SPTBN1: variants seen among roughly 807,000 people sequenced by gnomAD.
The protein encoded by SPTBN1 is spectrin beta, non-erythrocytic 1.
A neutral mutation model predicts 266.4 loss-of-function variants in SPTBN1; 32 were observed. The observed-to-expected ratio is 0.12, with a 90% CI of 0.09 to 0.16. The LOEUF is 0.16. Among genes scored for constraint, SPTBN1 ranks in the 10% least tolerant of loss-of-function variants. The probability of loss-of-function intolerance (pLI) is 1.00; values close to 1 mark genes in which losing one functional copy is unlikely to be tolerated. For missense variants in SPTBN1, 2,296 were observed against 3,067.1 expected, an observed-to-expected ratio of 0.75 and a Z score of 5.94; for synonymous variants, 1,336 against 1,162.2, an observed-to-expected ratio of 1.15 and a Z score of -3.04.
rs772541676 is a variant in SPTBN1, at chr2:54,629,248, T to C, written c.2114T>C (p.Ile705Thr). The part of the protein sequence containing the change: ...EQAIKEGEDM[I>T]AEEHFGSEKI... ...GCCATCAAGGAAGGCGAAGACATGA[T>C]CGCGGAGGAGCACTTCGGGTCGGAG... The change falls in exon 14 of 36, where the codon ATC (isoleucine) becomes ACC (threonine). Residue 705 changes from isoleucine to threonine, a missense_variant. This residue lies in a region of SPTBN1 where 434 missense variants were observed against 573.9 expected (regional missense o/e 0.76). Transcript: ENST00000356805. 1.2e-6 allele frequency: 2 copies of C among 1,613,940 alleles called. No homozygotes were observed. Among genetic ancestry groups the C allele is most frequent in the Non-Finnish European group, 1.7e-6 (2 of 1,180,028 alleles).
chr2:54,665,235 C>T (rs1035441909), intron 33 of SPTBN1, among the ~76,000 whole-genome samples: 1 of 152,214 alleles, frequency 6.6e-6, no homozygotes, highest in African/African-American at 2.4e-5. Flanking sequence ...ACCCAACCAC[C>T]TGGGACCACC....
At chr2:54,668,303 C>T (rs372002326) in intron 35 of SPTBN1, 48 bp from the exon 36 acceptor site, 21 of 1,588,534 alleles carry the variant, frequency 1.3e-5, no homozygotes, top group Non-Finnish European at 1.7e-5. Flanking sequence ...CAGAACCCCT[C>T]ATGCCTACTC....
At chr2:54,488,076 A>G (rs1446160656) in intron 1 of SPTBN1, among the ~76,000 whole-genome samples, 1 of 151,736 alleles carries the variant, frequency 6.6e-6, no homozygotes, top group African/African-American at 2.4e-5. Context: ...TGATCCGCCC[A>G]CCTCAGCCTC....
At chr2:54,598,152 A>G (rs2103677072) in intron 2 of SPTBN1, among the ~76,000 whole-genome samples, 2 of 152,274 alleles carry the variant, frequency 1.3e-5, no homozygotes, top group East Asian at 3.9e-4. Flanking sequence ...TTCTGGGCAA[A>G]TATGTCTAGA....
rs2104445025 is a variant in SPTBN1, at chr2:54,554,706, T to C, written c.148+28140T>C. ...ATTAGGGTAAGCCTGAGTCCCTGAC[T>C]CTGGACTTGAGTCTTTCCACCAGCC... On this transcript the variant is annotated intron_variant, in intron 2 of 35. Coordinates refer to ENST00000356805, the MANE Select transcript of SPTBN1 (RefSeq NM_003128.3). This position sits in a 1 kb window ranked among gnomAD's most constrained non-coding sequence, Gnocchi z 4.5. Among the ~76,000 whole-genome samples the C allele has an allele frequency of 6.6e-6, 1 of 152,326 alleles. No homozygotes were observed. The highest frequency in any genetic ancestry group is 3.4e-3 in the Middle Eastern group (1 of 294).
intron 7 of SPTBN1, among the ~76,000 whole-genome samples, chr2:54,619,117 A>C (rs891412998): frequency 6.6e-6 from 1 of 152,214 alleles, no homozygotes; most frequent in African/African-American, 2.4e-5. Flanking sequence ...ATGTGAGTGA[A>C]AGTTTAAAGT....
intron 1 of SPTBN1, among the ~76,000 whole-genome samples, chr2:54,463,576 A>T (rs536568090): frequency 6.6e-6 from 1 of 152,350 alleles, no homozygotes; most frequent in African/African-American, 2.4e-5. Context: ...CAACATCTTC[A>T]TCTGTAAAAT....
Position 54,668,378 on chromosome 2 carries a change from A to T in SPTBN1, c.6904A>T (p.Ile2302Phe). Residue 2302 changes from isoleucine to phenylalanine, a missense_variant, in exon 36 of 36, where the codon ATC becomes TTC. Ile to Phe is a conservative substitution (Grantham distance 21). This residue lies in a region of SPTBN1 where 347 missense variants were observed against 368.5 expected (regional missense o/e 0.94). Transcript: ENST00000356805. ...GGAAATGAACACATGGATCCAGGCT[A>T]TCTCTTCCGCCATCTCCTCTGATAA... ...DEEMNTWIQA[I>F]SSAISSDKHE... The T allele has an allele frequency of 6.2e-7, 1 of 1,614,114 alleles. No individual in the cohort carries two copies. The highest frequency in any genetic ancestry group is 8.5e-7 in the Non-Finnish European group (1 of 1,180,028).
chr2:54,531,813 C>T (rs143594433), intron 2 of SPTBN1, among the ~76,000 whole-genome samples: 77 of 152,030 alleles, frequency 5.1e-4, no homozygotes, highest in African/African-American at 1.6e-3. Flanking sequence ...GAAACATCAG[C>T]GTGATGATCA....
chr2:54,649,942 A>C lies in SPTBN1; in HGVS notation c.5530A>C (p.Arg1844=). 6.2e-7 allele frequency: 1 copy of C among 1,614,088 alleles called. No individual in the cohort carries two copies. Among genetic ancestry groups the C allele is most frequent in the Non-Finnish European group, 8.5e-7 (1 of 1,180,018 alleles). Reference sequence around the variant, plus strand: ...TCAGAACACAGTGGAGACCTTACAGAGAATGCACACTACATTTGAGCATGA... The same window carrying C: ...TCAGAACACAGTGGAGACCTTACAGCGAATGCACACTACATTTGAGCATGA... The part of the protein sequence containing the change: ...RDQNTVETLQ[R]MHTTFEHDIQ... Residue 1844 remains arginine, a synonymous_variant, in exon 26 of 36, where the codon AGA becomes CGA. Transcript: ENST00000356805. The surrounding 1 kb of genome is among the most constrained non-coding windows in gnomAD (Gnocchi z 6.7).
Position 54,649,800 on chromosome 2 carries a change from A to G in SPTBN1, c.5388A>G (p.Thr1796=). ...AWADLLELID[T]RTQILAASYE... Reference sequence around the variant, plus strand: ...CCGACCTCCTGGAGCTCATTGACACAAGAACACAGATTCTTGCCGCTTCCT... The same window carrying G: ...CCGACCTCCTGGAGCTCATTGACACGAGAACACAGATTCTTGCCGCTTCCT... Residue 1796 remains threonine, a synonymous_variant, in exon 26 of 36, where the codon ACA becomes ACG. Coordinates refer to ENST00000356805, the MANE Select transcript of SPTBN1 (RefSeq NM_003128.3). The surrounding 1 kb of genome is among the most constrained non-coding windows in gnomAD (Gnocchi z 6.7). 1 of 1,614,200 alleles carries G rather than the reference A, an allele frequency of 6.2e-7. No individual in the cohort carries two copies. The highest frequency in any genetic ancestry group is 8.5e-7 in the Non-Finnish European group (1 of 1,180,022).
chr2:54,529,869 AAAAAAAAAAAAAAAAG>A, intron 2 of SPTBN1: 1 of 414,872 alleles, frequency 2.4e-6, no homozygotes, highest in South Asian at 2.1e-5. Flanking sequence ...AAAAAAAAAA[AAAAAAAAAAAAAAAAG>A]GTCCACTTGA....
Position 54,653,548 on chromosome 2 carries a change from G to C in SPTBN1, c.5578-61G>C. ...GTATGAGCAGAACAGAATAGGGCTT[G>C]GGGTGATGGTGGGAAGGCCGCCATG... On this transcript the variant is annotated intron_variant, in intron 26 of 35. Transcript: ENST00000356805. The surrounding 1 kb of genome is among the most constrained non-coding windows in gnomAD (Gnocchi z 5.1). 6.3e-7 allele frequency: 1 copy of C among 1,591,256 alleles called. No homozygotes were observed. Among genetic ancestry groups the C allele is most frequent in the Non-Finnish European group, 8.5e-7 (1 of 1,173,988 alleles).
At chr2:54,550,139 T>C (rs995713829) in intron 2 of SPTBN1, among the ~76,000 whole-genome samples, 2 of 152,220 alleles carry the variant, frequency 1.3e-5, no homozygotes, top group Non-Finnish European at 2.9e-5. Flanking sequence ...GGGTGTTTTA[T>C]GGTGTCTGTA....
At position 54,649,497 on chromosome 2, in the gene SPTBN1, T is replaced by A; in HGVS notation, c.5203-118T>A. 3 of 1,416,460 alleles carry A rather than the reference T, an allele frequency of 2.1e-6. No homozygotes were observed. Among genetic ancestry groups the A allele is most frequent in the Non-Finnish European group, 1.9e-6 (2 of 1,059,984 alleles). The allele number at this position is 1,416,460 out of a possible 1,614,324, so 87.7% of individuals were successfully genotyped here. A position where few individuals can be genotyped will look rare whatever the true frequency, so the allele number is the denominator to read the frequency against. On this transcript the variant is annotated intron_variant, in intron 25 of 35. Coordinates refer to ENST00000356805, the MANE Select transcript of SPTBN1 (RefSeq NM_003128.3). This position sits in a 1 kb window ranked among gnomAD's most constrained non-coding sequence, Gnocchi z 6.7. ...GCTAAGATCTATTGTTCTGAAGTCA[T>A]GAGTATTATTGGCTACATCTTGCTT...
intron 2 of SPTBN1, among the ~76,000 whole-genome samples, chr2:54,539,499 A>T (rs1671810569): frequency 6.6e-6 from 1 of 152,178 alleles, no homozygotes; most frequent in South Asian, 2.1e-4. Context: ...CCCTAAAGAT[A>T]ATTCCTTTTA....
intron 1 of SPTBN1, among the ~76,000 whole-genome samples, chr2:54,509,133 G>A (rs1669725125): frequency 6.6e-6 from 1 of 152,222 alleles, no homozygotes; most frequent in Admixed American, 6.5e-5. Context: ...TTGCTGGTGA[G>A]TGGCGATTAG....
Position 54,554,425 on chromosome 2 carries a change from G to T in SPTBN1, c.148+27859G>T, listed in dbSNP as rs1375194098. Among the ~76,000 whole-genome samples, 2 of 152,194 alleles carry T rather than the reference G, an allele frequency of 1.3e-5. No homozygotes were observed. The highest frequency in any genetic ancestry group is 2.9e-5 in the Non-Finnish European group (2 of 68,026). On this transcript the variant is annotated intron_variant, in intron 2 of 35. Coordinates refer to ENST00000356805, the MANE Select transcript of SPTBN1 (RefSeq NM_003128.3). The surrounding 1 kb of genome is among the most constrained non-coding windows in gnomAD (Gnocchi z 4.5). ...GAGAAAATATATGTGGAAGCATTCT[G>T]TAAGCTACCAAGTGTGATGGTTCTG...
intron 17 of SPTBN1, among the ~76,000 whole-genome samples, chr2:54,634,655 C>A (rs1678989342): frequency 6.6e-6 from 1 of 152,192 alleles, no homozygotes; most frequent in African/African-American, 2.4e-5. Flanking sequence ...GCTGTAGGAG[C>A]ACAAACTAAG....
Sources: gnomAD v4.1 joint callset for allele counts (sites outside exome capture counted in the v4.1 genomes callset) on GRCh38, gnomAD v4.1.1 for gene constraint, gnomAD v4.1.1 regional missense constraint, Gnocchi (gnomAD v3.1) non-coding constraint, MANE v1.5 for transcripts, NCBI Gene and HGNC (gene_info 2026-07-23, HGNC 2026-07-21) for gene names.